FHOD3: variants seen among roughly 807,000 people sequenced by gnomAD.
The protein encoded by FHOD3 is FH1/FH2 domain-containing protein 3.
In FHOD3, 90 loss-of-function variants were observed where a neutral mutation model predicts 173.0. The ratio of observed to expected loss-of-function variants is 0.52; its 90% CI spans 0.44 to 0.62. The LOEUF (loss-of-function observed/expected upper bound fraction) is 0.62. FHOD3 is among the 20% of genes least tolerant of loss of function. The pLI, the probability that FHOD3 is intolerant of heterozygous loss-of-function variation, is 0.00. For missense variants in FHOD3, 1,945 were observed against 2,034.7 expected (o/e 0.96, Z 0.85); for synonymous variants, 828 against 823.0 (o/e 1.01, Z -0.10).
At chr18:36,303,131 C>T (rs2091998498) in intron 1 of FHOD3, among the ~76,000 whole-genome samples, 1 of 152,198 alleles carries the variant, frequency 6.6e-6, no homozygotes, top group Non-Finnish European at 1.5e-5. Flanking sequence ...CCATGTATAG[C>T]TTTATTTATC....
intron 5 of FHOD3, among the ~76,000 whole-genome samples, chr18:36,529,044 T>C (rs1489778053): frequency 6.6e-6 from 1 of 152,024 alleles, no homozygotes; most frequent in Non-Finnish European, 1.5e-5. Context: ...ACAAAGAGGG[T>C]TTCTGGAGGG....
At chr18:36,674,053 T>C (rs2037697667) in intron 14 of FHOD3, among the ~76,000 whole-genome samples, 1 of 152,246 alleles carries the variant, frequency 6.6e-6, no homozygotes, top group African/African-American at 2.4e-5. Flanking sequence ...AAAATTTCAG[T>C]CTGCCATTGA....
At chr18:36,318,950 C>T (rs948460439) in intron 1 of FHOD3, among the ~76,000 whole-genome samples, 16 of 152,034 alleles carry the variant, frequency 1.1e-4, no homozygotes, top group African/African-American at 2.7e-4. Flanking sequence ...TGAATTTTGT[C>T]GAAGGCCTTT....
intron 5 of FHOD3, among the ~76,000 whole-genome samples, chr18:36,545,689 C>T (rs753973597): frequency 3.3e-5 from 5 of 152,102 alleles, no homozygotes; most frequent in South Asian, 2.1e-4. Flanking sequence ...AACACTGTTG[C>T]GAGAAGCTCA....
intron 3 of FHOD3, among the ~76,000 whole-genome samples, chr18:36,441,753 C>A (rs1411298387): frequency 6.6e-6 from 1 of 152,238 alleles, no homozygotes; most frequent in Non-Finnish European, 1.5e-5. Flanking sequence ...GCCATCTCTT[C>A]ATCACATTTT....
intron 3 of FHOD3, among the ~76,000 whole-genome samples, chr18:36,439,853 C>T (rs753482282): frequency 9.2e-5 from 14 of 152,078 alleles, no homozygotes; most frequent in Non-Finnish European, 1.6e-4. Context: ...AAAGCATTTG[C>T]CCTCTTCGAT....
chr18:36,451,478 T>C (rs2051838689), intron 3 of FHOD3, among the ~76,000 whole-genome samples: 3 of 152,234 alleles, frequency 2.0e-5, no homozygotes, highest in Non-Finnish European at 4.4e-5. Flanking sequence ...TCCGTGTCTA[T>C]TGGAACTCAA....
intron 20 of FHOD3, among the ~76,000 whole-genome samples, chr18:36,732,538 C>T (rs1027446047): frequency 2.0e-5 from 3 of 152,324 alleles, no homozygotes; most frequent in Admixed American, 2.0e-4. Flanking sequence ...CAGCATTCTC[C>T]TCTGTGTTCA....
At chr18:36,404,565 A>G (rs952260336) in intron 3 of FHOD3, among the ~76,000 whole-genome samples, 2 of 152,196 alleles carry the variant, frequency 1.3e-5, no homozygotes, top group Admixed American at 6.5e-5. Flanking sequence ...GCCAGTGTGC[A>G]GATGTATCAC....
chr18:36,476,825 C>T (rs1165724646), intron 3 of FHOD3, among the ~76,000 whole-genome samples: 1 of 152,144 alleles, frequency 6.6e-6, no homozygotes, highest in African/African-American at 2.4e-5. Context: ...GCATGAAGGT[C>T]AGTTAAGCCA....
At chr18:36,454,910 A>G (rs999333474) in intron 3 of FHOD3, among the ~76,000 whole-genome samples, 2 of 152,238 alleles carry the variant, frequency 1.3e-5, no homozygotes, top group African/African-American at 4.8e-5. Flanking sequence ...GGTCTGCACC[A>G]TAACTGACTT....
At chr18:36,740,373 C>T (rs989449988) in intron 20 of FHOD3, among the ~76,000 whole-genome samples, 1 of 152,134 alleles carries the variant, frequency 6.6e-6, no homozygotes, top group Non-Finnish European at 1.5e-5. Context: ...ACATGTCTTA[C>T]TCTACTTCCT....
At chr18:36,614,655 G>C (rs1016421839) in intron 9 of FHOD3, among the ~76,000 whole-genome samples, 1 of 151,988 alleles carries the variant, frequency 6.6e-6, no homozygotes, top group African/African-American at 2.4e-5. Flanking sequence ...CTTTGTCAAC[G>C]CTTATTATTG....
intron 3 of FHOD3, among the ~76,000 whole-genome samples, chr18:36,453,835 C>T (rs2052008518): frequency 6.6e-6 from 1 of 152,118 alleles, no homozygotes; most frequent in African/African-American, 2.4e-5. Flanking sequence ...GGCTGGAGTC[C>T]AGGGCTTTTG....
At position 36,470,342 on chromosome 18, in the gene FHOD3, C is replaced by G. The variant is rs138010983; in HGVS notation, c.338-31590C>G. Among the ~76,000 whole-genome samples the G allele has an allele frequency of 2.6e-4, 40 of 152,284 alleles. No homozygotes were observed. In the East Asian group the frequency reaches 7.3e-3, roughly 28 times the overall value. On this transcript the variant is annotated intron_variant, in intron 3 of 28. Coordinates refer to ENST00000590592, the MANE Select transcript of FHOD3 (RefSeq NM_001281740.3). ...CCTATAGTCTCCCTGGCCTCAGTTT[C>G]CCCAGATGTAATGTGAAGGAACTGG...
At chr18:36,358,024 A>G (rs1217959306) in intron 2 of FHOD3, among the ~76,000 whole-genome samples, 1 of 152,242 alleles carries the variant, frequency 6.6e-6, no homozygotes, top group Non-Finnish European at 1.5e-5. Context: ...CCCTATTCAC[A>G]AGATCTTTAA....
rs748326464 is a variant in FHOD3 at position 36,438,965 on chromosome 18, T to C, written c.338-62967T>C. On this transcript the variant is annotated intron_variant, in intron 3 of 28. Transcript: ENST00000590592. The stretch of plus-strand genomic sequence containing the variant: ...GTCTACCTCGCACCCAAAGTTGTGC[T>C]GAACACAGGCAGTTGCAGACACAAG... Among the ~76,000 whole-genome samples, 66 of 152,184 alleles carry C rather than the reference T, an allele frequency of 4.3e-4. 1 individual carries two copies. Among genetic ancestry groups the C allele is most frequent in the Non-Finnish European group, 8.8e-4 (60 of 68,032 alleles).
At chr18:36,358,876 C>T (rs1336707912) in intron 2 of FHOD3, among the ~76,000 whole-genome samples, 1 of 152,026 alleles carries the variant, frequency 6.6e-6, no homozygotes, top group Non-Finnish European at 1.5e-5. Flanking sequence ...CAAAACAATC[C>T]TCCTGTCTTA....
intron 3 of FHOD3, among the ~76,000 whole-genome samples, chr18:36,394,448 A>G (rs537389564): frequency 1.9e-3 from 290 of 152,306 alleles, no homozygotes; most frequent in African/African-American, 6.6e-3. Context: ...TAGCTGGCCA[A>G]CAACCATCCC....
Sources: allele counts gnomAD v4.1 joint callset (sites outside exome capture counted in the v4.1 genomes callset), GRCh38; gene constraint gnomAD v4.1.1; transcripts MANE v1.5; gene names NCBI Gene and HGNC (gene_info 2026-07-23, HGNC 2026-07-21).